TENT5A: variants seen among roughly 807,000 people sequenced by gnomAD.
The protein encoded by TENT5A is terminal nucleotidyltransferase 5A.
Under a neutral mutation model 30.2 loss-of-function variants are expected in TENT5A, and 9 were observed. That is an observed-to-expected ratio of 0.30 (90% confidence interval 0.18 to 0.52). The LOEUF (loss-of-function observed/expected upper bound fraction) is 0.52. Ranked by LOEUF, TENT5A falls within the 20% of genes least tolerant of loss-of-function variation. The pLI is 0.97. For missense variants in TENT5A, 411 were observed against 566.1 expected (o/e 0.73, Z 2.78); for synonymous variants, 264 against 234.2 (o/e 1.13, Z -1.16).
Position 81,751,997 on chromosome 6 carries a change from C to G in TENT5A, c.145G>C (p.Gly49Arg), listed in dbSNP as rs763331222. The G allele has an allele frequency of 1.2e-6, 2 of 1,610,324 alleles. No homozygotes were observed. Among genetic ancestry groups the G allele is most frequent in the African/African-American group, 1.3e-5 (1 of 74,838 alleles). ...TCGCAATAGTCCAAGCAATGCCCAC[C>G]GAAGCTGCCGCCACCGCCGAAGTCG... ...GGDFGGGGSF[G>R]GHCLDYCESP... Residue 49 changes from glycine (G) to arginine (R), a missense_variant, in exon 2 of 3, where the codon GGT (glycine) becomes CGT (arginine). Gly to Arg is a moderately radical substitution (Grantham distance 125). Around this residue, in one of 5 missense-constraint regions of TENT5A, gnomAD observed 157 missense variants for 183.2 expected, o/e 0.86. Transcript: ENST00000320172.
chr6:81,749,513 T>A lies in TENT5A; in HGVS notation c.*182A>T, dbSNP rs1165454330. On this transcript the variant is annotated 3_prime_UTR_variant, in exon 3 of 3. Transcript: ENST00000320172. ...AGAAGGGAAAAGGATCCTTTCGAGA[T>A]CATGCTCCCACATCTATTAAAAGAT... is the stretch of plus-strand genomic sequence containing the variant. The A allele has an allele frequency of 7.4e-7, 1 of 1,352,992 alleles. No individual in the cohort carries two copies. Among genetic ancestry groups the A allele is most frequent in the African/African-American group, 1.5e-5 (1 of 67,394 alleles). The allele number at this position is 1,352,992 out of a possible 1,614,324, so 83.8% of individuals were successfully genotyped here.
Position 81,748,399 on chromosome 6 carries a change from A to AG in TENT5A, c.*1295dup. 1 of 973,620 alleles carries AG rather than the reference A, an allele frequency of 1.0e-6. No homozygotes were observed. Among genetic ancestry groups the AG allele is most frequent in the Non-Finnish European group, 1.2e-6 (1 of 820,098 alleles). The allele number at this position is 973,620 out of a possible 1,614,324, so 60.3% of individuals were successfully genotyped here. A position where few individuals can be genotyped will look rare whatever the true frequency, so the allele number is the denominator to read the frequency against. ...TGGCTCACCAAAGAAAAAAAAAAAA[A>AG]GAAAAAAAAATCCCACTAAAACAGT... On this transcript the variant is annotated 3_prime_UTR_variant, in exon 3 of 3. Transcript: ENST00000320172.
chr6:81,747,807 T>A lies in TENT5A; in HGVS notation c.*1888A>T, dbSNP rs1338262554. Reference sequence around the variant, plus strand: ...ACAAATGCATTTTCAGAGACCAGTATCTAGAGGAACTACTGGCTAGGAGAA... The same window carrying A: ...ACAAATGCATTTTCAGAGACCAGTAACTAGAGGAACTACTGGCTAGGAGAA... On this transcript the variant is annotated 3_prime_UTR_variant, in exon 3 of 3. Transcript: ENST00000320172. The A allele has an allele frequency of 5.1e-6, 5 of 985,314 alleles. No individual in the cohort carries two copies. In the Admixed American group the frequency reaches 1.8e-4, roughly 36 times the overall value. The allele number at this position is 985,314 out of a possible 1,614,324, so 61.0% of individuals were successfully genotyped here. A position where few individuals can be genotyped will look rare whatever the true frequency, so the allele number is the denominator to read the frequency against.
rs1769070090 is a variant in TENT5A at position 81,752,483 on chromosome 6, G to A, written c.-90C>T. 12 of 1,537,040 alleles carry A rather than the reference G, an allele frequency of 7.8e-6. No homozygotes were observed. Among genetic ancestry groups the A allele is most frequent in the South Asian group, 6.0e-5 (5 of 83,804 alleles). Reference sequence around the variant, plus strand: ...GCAGCGAGCGAGAGCGAAACCGAGAGGCGGCAACACTTCCAGGAGCTGCGA... The same window carrying A: ...GCAGCGAGCGAGAGCGAAACCGAGAAGCGGCAACACTTCCAGGAGCTGCGA... On this transcript the variant is annotated 5_prime_UTR_variant, in exon 1 of 3. Transcript: ENST00000320172.
Position 81,748,520 on chromosome 6 carries a change from C to A in TENT5A, c.*1175G>T, listed in dbSNP as rs575480275. The A allele has an allele frequency of 8.1e-6, 8 of 981,846 alleles. No homozygotes were observed. The South Asian group carries it at 1.9e-4, about 23-fold the overall frequency. The allele number at this position is 981,846 out of a possible 1,614,324, so 60.8% of individuals were successfully genotyped here. A position where few individuals can be genotyped will look rare whatever the true frequency, so the allele number is the denominator to read the frequency against. On this transcript the variant is annotated 3_prime_UTR_variant, in exon 3 of 3. Transcript: ENST00000320172. The stretch of plus-strand genomic sequence containing the variant: ...TTAATTCATCATTGCAATATGCCCA[C>A]GTCTCATGTTATCCTGTTGAAAACA...
Position 81,746,586 on chromosome 6 carries a change from TAA to T in TENT5A, c.*3107_*3108del. 1 of 1,232,078 alleles carries T rather than the reference TAA, an allele frequency of 8.1e-7. No homozygotes were observed. The highest frequency in any genetic ancestry group is 1.0e-6 in the Non-Finnish European group (1 of 987,912). The allele number at this position is 1,232,078 out of a possible 1,614,324, so 76.3% of individuals were successfully genotyped here. On this transcript the variant is annotated 3_prime_UTR_variant, in exon 3 of 3. Transcript: ENST00000320172. Reference sequence around the variant, plus strand: ...GCAGCTGGATTTACTGCAAATTAAGTAAACCTTTAAAAACGGCATTGTCACAG... The same window carrying T: ...GCAGCTGGATTTACTGCAAATTAAGTACCTTTAAAAACGGCATTGTCACAG...
In TENT5A at chr6:81,749,437, A is replaced by C; in HGVS notation, c.*258T>G. Reference sequence around the variant, plus strand: ...CAGGAGAACCTGGTTGCTTCTAATGACAGGTCTCTCTTTTTTTGCAGGATA... The same window carrying C: ...CAGGAGAACCTGGTTGCTTCTAATGCCAGGTCTCTCTTTTTTTGCAGGATA... On this transcript the variant is annotated 3_prime_UTR_variant, in exon 3 of 3. Transcript: ENST00000320172. The C allele has an allele frequency of 8.2e-7, 1 of 1,221,936 alleles. No homozygotes were observed. Among genetic ancestry groups the C allele is most frequent in the South Asian group, 3.3e-5 (1 of 29,874 alleles). The allele number at this position is 1,221,936 out of a possible 1,614,324, so 75.7% of individuals were successfully genotyped here. A position where few individuals can be genotyped will look rare whatever the true frequency, so the allele number is the denominator to read the frequency against.
rs1272575001 is a variant in TENT5A, at chr6:81,751,872, G to C, written c.270C>G (p.Phe90Leu). The change falls in exon 2 of 3, where the codon TTC (phenylalanine) becomes TTG (leucine). Residue 90 changes from phenylalanine to leucine, a missense_variant. By Grantham distance (22) the Phe-to-Leu change is conservative. Coordinates refer to ENST00000320172, the MANE Select transcript of TENT5A (RefSeq NM_017633.3). The stretch of plus-strand genomic sequence containing the variant: ...GGCTCGGCTGCAGCTCGAGCGTGGG[G>C]AAGTTGCCGCGCCCGTGAATCGGAA... ...ETIPIHGRGN[F>L]PTLELQPSLI... 2 of 1,613,086 alleles carry C rather than the reference G, an allele frequency of 1.2e-6. No homozygotes were observed. Among genetic ancestry groups the C allele is most frequent in the African/African-American group, 2.7e-5 (2 of 74,936 alleles).
chr6:81,749,582 G>A lies in TENT5A; in HGVS notation c.*113C>T. ...TTAAAACCAGGAGCATATCATCATTGCACAAAACACATCCCTAATAAGGGC... is the reference window on the plus strand; with the variant it reads ...TTAAAACCAGGAGCATATCATCATTACACAAAACACATCCCTAATAAGGGC... On this transcript the variant is annotated 3_prime_UTR_variant, in exon 3 of 3. Coordinates refer to ENST00000320172, the MANE Select transcript of TENT5A (RefSeq NM_017633.3). The A allele has an allele frequency of 6.8e-7, 1 of 1,461,982 alleles. No individual in the cohort carries two copies. The highest frequency in any genetic ancestry group is 9.0e-7 in the Non-Finnish European group (1 of 1,111,924). 90.6% of individuals were successfully genotyped at this position (1,461,982 alleles called of 1,614,324 possible).
At chr6:81,752,242 GA>G in intron 1 of TENT5A, 64 bp from the exon 2 acceptor site, 4 of 1,471,354 alleles carry the variant, frequency 2.7e-6, no homozygotes, top group Non-Finnish European at 3.6e-6. Context: ...CGCGGCGGCG[GA>G]GAGCAGAGGC....
At position 81,748,029 on chromosome 6, in the gene TENT5A, T is replaced by C; in HGVS notation, c.*1666A>G. ...AGATGTTTCATATTGACATGATTTA[T>C]AAAATGTTATATATAATATATATCT... On this transcript the variant is annotated 3_prime_UTR_variant, in exon 3 of 3. Transcript: ENST00000320172. 1.0e-6 allele frequency: 1 copy of C among 968,160 alleles called. No homozygotes were observed. The highest frequency in any genetic ancestry group is 1.2e-6 in the Non-Finnish European group (1 of 814,072). The allele number at this position is 968,160 out of a possible 1,614,324, so 60.0% of individuals were successfully genotyped here. A position where few individuals can be genotyped will look rare whatever the true frequency, so the allele number is the denominator to read the frequency against.
rs1208472457 is a variant in TENT5A, at chr6:81,752,522, G to C, written c.-129C>G. 1.5e-6 allele frequency: 2 copies of C among 1,339,512 alleles called. No individual in the cohort carries two copies. The highest frequency in any genetic ancestry group is 2.5e-5 in the South Asian group (2 of 79,882). The allele number at this position is 1,339,512 out of a possible 1,614,324, so 83.0% of individuals were successfully genotyped here. On this transcript the variant is annotated 5_prime_UTR_variant, in exon 1 of 3. Coordinates refer to ENST00000320172, the MANE Select transcript of TENT5A (RefSeq NM_017633.3). ...CAGGAGCTGCGAGCGCGCTCAGACA[G>C]CAAATAGCGACTTCGTCTTTCCCAG...
In TENT5A at chr6:81,746,392, TA is replaced by T. The variant is rs780865626; in HGVS notation, c.*3302del. 1.2e-4 allele frequency: 146 copies of T among 1,229,380 alleles called. No homozygotes were observed. The highest frequency in any genetic ancestry group is 1.4e-4 in the Non-Finnish European group (142 of 986,622). 76.2% of individuals were successfully genotyped at this position (1,229,380 alleles called of 1,614,324 possible). ...ACAATAAGCAAACAGAAAGGGGTGGTAAAAACAGTACGTTCACTTTTCATTT... is the reference window on the plus strand; with the variant it reads ...ACAATAAGCAAACAGAAAGGGGTGGTAAAACAGTACGTTCACTTTTCATTT... On this transcript the variant is annotated 3_prime_UTR_variant, in exon 3 of 3. Coordinates refer to ENST00000320172, the MANE Select transcript of TENT5A (RefSeq NM_017633.3).
rs1209187939 is a variant in TENT5A at position 81,752,174 on chromosome 6, C to G, written c.-33G>C. 1 of 1,512,748 alleles carries G rather than the reference C, an allele frequency of 6.6e-7. No individual in the cohort carries two copies. Among genetic ancestry groups the G allele is most frequent in the African/African-American group, 1.4e-5 (1 of 71,324 alleles). The allele number at this position is 1,512,748 out of a possible 1,614,324, so 93.7% of individuals were successfully genotyped here. On this transcript the variant is annotated 5_prime_UTR_variant, in exon 2 of 3. Coordinates refer to ENST00000320172, the MANE Select transcript of TENT5A (RefSeq NM_017633.3). ...CCGCCGAGCGCCACTTGGCCCTGGT[C>G]AGTCCTAAAAAGAAAGGGAAAGGAG...
intron 1 of TENT5A, 70 bp from the exon 2 acceptor site, chr6:81,752,248 A>ACGCGCGGCG: frequency 6.8e-7 from 1 of 1,476,678 alleles, no homozygotes; most frequent in Non-Finnish European, 8.9e-7. Context: ...GGCGGAGAGC[A>ACGCGCGGCG]GAGGCCCGCC....
chr6:81,746,715 C>A lies in TENT5A; in HGVS notation c.*2980G>T. ...GAAACAGCACACTAGGCCAGATAAA[C>A]ACAAAAGGAAACAAATCACAGGCGC... On this transcript the variant is annotated 3_prime_UTR_variant, in exon 3 of 3. Transcript: ENST00000320172. 8.2e-7 allele frequency: 1 copy of A among 1,226,758 alleles called. No homozygotes were observed. The highest frequency in any genetic ancestry group is 3.2e-5 in the East Asian group (1 of 31,488). The allele number at this position is 1,226,758 out of a possible 1,614,324, so 76.0% of individuals were successfully genotyped here.
Position 81,748,124 on chromosome 6 carries a change from T to G in TENT5A, c.*1571A>C. ...GTCATTTCACATTACTAAATTCTAG[T>G]GGTCCAGAAATGCAGAATGCATTCA... On this transcript the variant is annotated 3_prime_UTR_variant, in exon 3 of 3. Transcript: ENST00000320172. 1.0e-6 allele frequency: 1 copy of G among 985,264 alleles called. No individual in the cohort carries two copies. The allele number at this position is 985,264 out of a possible 1,614,324, so 61.0% of individuals were successfully genotyped here. A position where few individuals can be genotyped will look rare whatever the true frequency, so the allele number is the denominator to read the frequency against.
Position 81,749,567 on chromosome 6 carries a change from G to T in TENT5A, c.*128C>A. The T allele has an allele frequency of 7.0e-7, 1 of 1,421,532 alleles. No individual in the cohort carries two copies. Among genetic ancestry groups the T allele is most frequent in the Non-Finnish European group, 9.2e-7 (1 of 1,090,636 alleles). 88.1% of individuals were successfully genotyped at this position (1,421,532 alleles called of 1,614,324 possible). ...TAAGCTTTGCCAAACTTAAAACCAG[G>T]AGCATATCATCATTGCACAAAACAC... On this transcript the variant is annotated 3_prime_UTR_variant, in exon 3 of 3. Transcript: ENST00000320172.
rs1006760618 is a variant in TENT5A at position 81,750,749 on chromosome 6, C to G, written c.553-278G>C. Among the ~76,000 whole-genome samples the G allele has an allele frequency of 3.3e-5, 5 of 152,294 alleles. No homozygotes were observed. The highest frequency in any genetic ancestry group is 1.3e-4 in the Admixed American group (2 of 15,300). On this transcript the variant is annotated intron_variant, in intron 2 of 2. Transcript: ENST00000320172. The surrounding 1 kb of genome is among the most constrained non-coding windows in gnomAD (Gnocchi z 4.2). Reference sequence around the variant, plus strand: ...TAAGAGGTTTTGTTGTCATGTCTGACTTTTTAAGTGTTACTTTTTGAAAAC... The same window carrying G: ...TAAGAGGTTTTGTTGTCATGTCTGAGTTTTTAAGTGTTACTTTTTGAAAAC...
Sources: gnomAD v4.1 joint callset for allele counts (sites outside exome capture counted in the v4.1 genomes callset) on GRCh38, gnomAD v4.1.1 for gene constraint, gnomAD v4.1.1 regional missense constraint, Gnocchi (gnomAD v3.1) non-coding constraint, MANE v1.5 for transcripts, NCBI Gene and HGNC (gene_info 2026-07-23, HGNC 2026-07-21) for gene names.